Variants in GRIK3 observed in about 807,000 individuals in gnomAD.
GRIK3 encodes glutamate receptor ionotropic, kainate 3.
GRIK3 carries 29 observed loss-of-function variants against 102.5 expected under a neutral mutation model. The observed-to-expected ratio is 0.28, with a 90% CI of 0.21 to 0.39. The LOEUF is 0.39. GRIK3 is among the 10% of genes least tolerant of loss of function. GRIK3 has a pLI of 1.00. For synonymous variants in GRIK3, 511 were observed against 504.9 expected, an observed-to-expected ratio of 1.01 and a Z score of -0.16; for missense variants, 908 against 1,252.4, an observed-to-expected ratio of 0.73 and a Z score of 4.15.
rs775380470 is a variant in GRIK3, at chr1:36,800,877, T to A, written c.*974A>T. On this transcript the variant is annotated 3_prime_UTR_variant, in exon 16 of 16. Coordinates refer to ENST00000373091, the MANE Select transcript of GRIK3 (RefSeq NM_000831.4). ...CCAGCCAGGAATGGGGAGTTGTTGA[T>A]GAGAAGATGGCAAAGAGCCCAGGTT... 2.0e-5 allele frequency: 3 copies of A among 152,206 alleles called. No homozygotes were observed. The highest frequency in any genetic ancestry group is 4.4e-5 in the Non-Finnish European group (3 of 68,056). 9.4% of individuals were successfully genotyped at this position (152,206 alleles called of 1,614,324 possible).
At chr1:36,951,558 G>A (rs1051103435) in intron 1 of GRIK3, among the ~76,000 whole-genome samples, 6 of 152,212 alleles carry the variant, frequency 3.9e-5, no homozygotes, top group African/African-American at 1.4e-4. Context: ...GGCAATGCTG[G>A]TCGCATGCAG....
At chr1:36,860,147 A>G (rs1430231721) in intron 5 of GRIK3, 130 bp from the exon 6 acceptor site, 2 of 659,810 alleles carry the variant, frequency 3.0e-6, no homozygotes, top group East Asian at 2.7e-5. Flanking sequence ...AGCCCTGCAG[A>G]GGGGGTGCGG....
chr1:36,934,630 T>C (rs933886651), intron 1 of GRIK3, among the ~76,000 whole-genome samples: 4 of 152,204 alleles, frequency 2.6e-5, no homozygotes, highest in Non-Finnish European at 5.9e-5. Context: ...AGTAATTAGA[T>C]GTGAAAACTG....
At chr1:36,814,509 AC>A (rs376040990) in intron 13 of GRIK3, among the ~76,000 whole-genome samples, 6,788 of 83,786 alleles carry the variant, frequency 0.081, 307 homozygotes, top group African/African-American at 0.14. Context: ...ACATACATAG[AC>A]CCCCCCCCCC....
intron 1 of GRIK3, among the ~76,000 whole-genome samples, chr1:37,007,305 CAGTA>C (rs1425403047): frequency 2.6e-5 from 4 of 152,296 alleles, no homozygotes; most frequent in Admixed American, 2.6e-4. Context: ...GTCAGGTAGC[CAGTA>C]AGTAACAGAG....
At chr1:36,808,370 A>G (rs1642523700) in intron 13 of GRIK3, among the ~76,000 whole-genome samples, 2 of 152,184 alleles carry the variant, frequency 1.3e-5, no homozygotes, top group Non-Finnish European at 1.5e-5. Context: ...GAAACTAGTG[A>G]CTTGCTTTTA....
intron 5 of GRIK3, among the ~76,000 whole-genome samples, chr1:36,860,575 T>C (rs1640711439): frequency 6.6e-6 from 1 of 152,162 alleles, no homozygotes; most frequent in African/African-American, 2.4e-5. Context: ...TGAGCAGCGG[T>C]CAGCCTGTCT....
chr1:36,900,341 T>C (rs964050768), intron 1 of GRIK3, among the ~76,000 whole-genome samples: 3 of 152,078 alleles, frequency 2.0e-5, no homozygotes, highest in Admixed American at 2.0e-4. Flanking sequence ...TCCTCCTCCT[T>C]GTTTTGCTAT....
At chr1:36,943,240 T>C (rs762480083) in intron 1 of GRIK3, among the ~76,000 whole-genome samples, 35 of 49,938 alleles carry the variant, frequency 7.0e-4, no homozygotes, top group Admixed American at 1.2e-3. Flanking sequence ...TTGGGGGGGC[T>C]GGGGCAGCAC....
intron 1 of GRIK3, among the ~76,000 whole-genome samples, chr1:36,909,862 A>C (rs1003616890): frequency 6.6e-6 from 1 of 152,174 alleles, no homozygotes; most frequent in African/African-American, 2.4e-5. Context: ...AAACATACTG[A>C]ATACCCTAAG....
At chr1:37,026,676 A>G (rs1192670652) in intron 1 of GRIK3, among the ~76,000 whole-genome samples, 1 of 152,168 alleles carries the variant, frequency 6.6e-6, no homozygotes, top group Non-Finnish European at 1.5e-5. Context: ...ACCTAACGTT[A>G]ATACTTCTAT....
intron 1 of GRIK3, among the ~76,000 whole-genome samples, chr1:36,988,612 C>T (rs1642330896): frequency 6.6e-6 from 1 of 152,226 alleles, no homozygotes. Context: ...CAAAGTGAAA[C>T]TCCACAAAGT....
intron 1 of GRIK3, among the ~76,000 whole-genome samples, chr1:36,892,376 C>T (rs1181730584): frequency 1.3e-5 from 2 of 152,082 alleles, no homozygotes; most frequent in Admixed American, 1.3e-4. Flanking sequence ...TAGCTTATGC[C>T]TGTAATCCCA....
chr1:36,824,190 A>G (rs1642728077), intron 11 of GRIK3, among the ~76,000 whole-genome samples: 1 of 152,108 alleles, frequency 6.6e-6, no homozygotes, highest in African/African-American at 2.4e-5. Context: ...AAGGCTTGCT[A>G]GTGAAGGGCC....
intron 10 of GRIK3, among the ~76,000 whole-genome samples, chr1:36,840,137 C>T (rs375786318): frequency 7.9e-5 from 12 of 152,310 alleles, no homozygotes; most frequent in African/African-American, 2.9e-4. Flanking sequence ...TCCACCACTT[C>T]ATCTCTTTCT....
intron 1 of GRIK3, among the ~76,000 whole-genome samples, chr1:36,996,927 G>T (rs1044282235): frequency 1.9e-4 from 29 of 152,194 alleles, no homozygotes; most frequent in African/African-American, 7.0e-4. Flanking sequence ...TCACAGTTGT[G>T]GGGGAGGGTG....
At chr1:36,888,583 C>T (rs2124270955) in intron 2 of GRIK3, among the ~76,000 whole-genome samples, 1 of 152,288 alleles carries the variant, frequency 6.6e-6, no homozygotes, top group East Asian at 1.9e-4. Flanking sequence ...GTTGCTTCAT[C>T]CACTAGATTA....
intron 1 of GRIK3, among the ~76,000 whole-genome samples, chr1:37,002,403 T>G (rs898942299): frequency 3.3e-5 from 5 of 152,048 alleles, no homozygotes; most frequent in Non-Finnish European, 7.4e-5. Context: ...CAATATGAAG[T>G]AAAGGTGCGA....
chr1:36,831,634 C>T (rs1640300852), intron 10 of GRIK3, among the ~76,000 whole-genome samples: 1 of 152,232 alleles, frequency 6.6e-6, no homozygotes, highest in South Asian at 2.1e-4. Flanking sequence ...CCAGTGCTGT[C>T]CAACAGAGCT....
Sources: allele counts gnomAD v4.1 joint callset (sites outside exome capture counted in the v4.1 genomes callset), GRCh38; gene constraint gnomAD v4.1.1; transcripts MANE v1.5; gene names NCBI Gene and HGNC (gene_info 2026-07-23, HGNC 2026-07-21).